The following PLCG2 variants were observed in gnomAD, a reference collection of about 807,000 sequenced individuals.
The protein encoded by PLCG2 is phospholipase C gamma 2.
A neutral mutation model predicts 175.6 loss-of-function variants in PLCG2; 69 were observed. That is an observed-to-expected ratio of 0.39 (90% CI 0.32 to 0.48). The LOEUF is 0.48. PLCG2 is among the 20% of genes least tolerant of loss of function. The pLI, the probability that PLCG2 is intolerant of heterozygous loss-of-function variation, is 0.91. For synonymous variants in PLCG2, 827 were observed against 624.0 expected, an observed-to-expected ratio of 1.33 and a Z score of -4.85; for missense variants, 1,798 against 1,650.9, an observed-to-expected ratio of 1.09 and a Z score of -1.54.
intron 1 of PLCG2, among the ~76,000 whole-genome samples, chr16:81,755,346 A>C (rs970801323): frequency 3.4e-5 from 5 of 147,180 alleles, no homozygotes; most frequent in African/African-American, 5.0e-5. Context: ...ACAGGCATGC[A>C]CCACCATGCC....
At chr16:81,760,877 C>A (rs964194976) in intron 2 of PLCG2, among the ~76,000 whole-genome samples, 1 of 152,014 alleles carries the variant, frequency 6.6e-6, no homozygotes, top group African/African-American at 2.4e-5. Flanking sequence ...CCAGCCTGTG[C>A]AATATAGTGA....
chr16:81,808,687 GT>G (rs1484986691), intron 2 of PLCG2, among the ~76,000 whole-genome samples: 1 of 152,048 alleles, frequency 6.6e-6, no homozygotes, highest in Non-Finnish European at 1.5e-5. Context: ...TAGAGATGGG[GT>G]TTCACTGTGT....
intron 24 of PLCG2, among the ~76,000 whole-genome samples, chr16:81,929,295 C>A (rs1213663378): frequency 2.6e-5 from 4 of 152,210 alleles, no homozygotes; most frequent in Non-Finnish European, 5.9e-5. Context: ...CCATGACCCT[C>A]CCTGGGCAGG....
rs148238991 is a variant in PLCG2, at chr16:81,863,375, G to A, written c.479+4212G>A. ...TTCATCTGTGTTGTAGCATGTGTTAGAATCTTCTTCCTTTTTAAGGCTGAA... is the reference window on the plus strand; with the variant it reads ...TTCATCTGTGTTGTAGCATGTGTTAAAATCTTCTTCCTTTTTAAGGCTGAA... On this transcript the variant is annotated intron_variant, in intron 5 of 32. Transcript: ENST00000564138. Among the ~76,000 whole-genome samples, 39 of 152,358 alleles carry A rather than the reference G, an allele frequency of 2.6e-4. No individual in the cohort carries two copies. In the East Asian group the frequency reaches 7.5e-3, roughly 29 times the overall value.
At chr16:81,921,567 G>T in intron 21 of PLCG2, 1 of 418,536 alleles carries the variant, frequency 2.4e-6, no homozygotes, top group Non-Finnish European at 4.5e-6. Flanking sequence ...TTTTTGGCTC[G>T]CTGACAGAGC....
chr16:81,925,867 CAG>C (rs939679325), intron 22 of PLCG2, among the ~76,000 whole-genome samples: 1 of 139,866 alleles, frequency 7.1e-6, no homozygotes, highest in African/African-American at 2.7e-5. Flanking sequence ...GCCTGGGGGA[CAG>C]AGTGAGACTC....
intron 2 of PLCG2, among the ~76,000 whole-genome samples, chr16:81,840,268 G>T (rs1236984892): frequency 1.3e-5 from 2 of 152,186 alleles, no homozygotes; most frequent in South Asian, 4.1e-4. Context: ...CCCTGTCATG[G>T]CCTGGGTGGA....
At chr16:81,908,361 G>C in intron 16 of PLCG2, 55 bp from the exon 17 acceptor site, 2 of 1,514,466 alleles carry the variant, frequency 1.3e-6, no homozygotes, top group Non-Finnish European at 1.8e-6. Flanking sequence ...CCTGTCTAGT[G>C]ATGCTGGGGT....
intron 2 of PLCG2, among the ~76,000 whole-genome samples, chr16:81,823,655 A>T (rs1010591296): frequency 1.3e-5 from 2 of 151,644 alleles, no homozygotes; most frequent in African/African-American, 4.8e-5. Flanking sequence ...TCTCTCAAGT[A>T]GCTGAGACTA....
At chr16:81,854,340 G>A in intron 2 of PLCG2, 104 bp from the exon 3 acceptor site, 1 of 1,013,124 alleles carries the variant, frequency 9.9e-7, no homozygotes, top group East Asian at 2.4e-5. Context: ...GGATCCTGTT[G>A]GGGAAGGAAG....
At chr16:81,815,552 T>C (rs1904506593) in intron 2 of PLCG2, among the ~76,000 whole-genome samples, 2 of 152,214 alleles carry the variant, frequency 1.3e-5, no homozygotes, top group African/African-American at 2.4e-5. Flanking sequence ...CTCTGTTGAC[T>C]ACTCAGCCTG....
intron 7 of PLCG2, among the ~76,000 whole-genome samples, chr16:81,874,948 G>GTTTTTTTTTTTT (rs770994063): frequency 7.4e-5 from 3 of 40,770 alleles, no homozygotes; most frequent in Non-Finnish European, 1.0e-4. Context: ...TATCCTATGT[G>GTTTTTTTTTTTT]TTTTTTTTTT....
intron 2 of PLCG2, among the ~76,000 whole-genome samples, chr16:81,797,467 G>T (rs977005328): frequency 6.6e-6 from 1 of 152,174 alleles, no homozygotes; most frequent in African/African-American, 2.4e-5. Flanking sequence ...TGCAAGGCCC[G>T]ATCTTGGGGC....
chr16:81,791,526 C>T (rs1006053161), intron 2 of PLCG2, among the ~76,000 whole-genome samples: 1 of 152,126 alleles, frequency 6.6e-6, no homozygotes, highest in Admixed American at 6.5e-5. Flanking sequence ...CATCTGATAC[C>T]TTAGTGGTGA....
At chr16:81,818,715 C>T (rs1359313512) in intron 2 of PLCG2, among the ~76,000 whole-genome samples, 1 of 151,918 alleles carries the variant, frequency 6.6e-6, no homozygotes, top group East Asian at 1.9e-4. Context: ...AAATAACTTC[C>T]ATCATGATGC....
At chr16:81,806,351 C>G (rs192875397) in intron 2 of PLCG2, among the ~76,000 whole-genome samples, 2 of 152,220 alleles carry the variant, frequency 1.3e-5, no homozygotes, top group African/African-American at 4.8e-5. Flanking sequence ...GATCAGGTAG[C>G]TTTAATTTCC....
chr16:81,760,058 G>A (rs1171424460), intron 2 of PLCG2, among the ~76,000 whole-genome samples: 6 of 152,202 alleles, frequency 3.9e-5, no homozygotes, highest in African/African-American at 1.2e-4. Flanking sequence ...CCTGGAAGGC[G>A]GAGCTTGCAG....
chr16:81,890,765 A>G (rs904104112), intron 10 of PLCG2, among the ~76,000 whole-genome samples: 12 of 152,196 alleles, frequency 7.9e-5, no homozygotes, highest in Admixed American at 7.9e-4. Context: ...CAGGAATTGT[A>G]ACTTGAAATT....
chr16:81,865,652 G>GA (rs538808567), intron 5 of PLCG2, among the ~76,000 whole-genome samples: 9 of 152,280 alleles, frequency 5.9e-5, no homozygotes, highest in South Asian at 2.1e-4. Context: ...CTCCTGGGGG[G>GA]CCCTGGCCTC....
Sources: allele counts gnomAD v4.1 joint callset (sites outside exome capture counted in the v4.1 genomes callset), GRCh38; gene constraint gnomAD v4.1.1; transcripts MANE v1.5; gene names NCBI Gene and HGNC (gene_info 2026-07-23, HGNC 2026-07-21).